BLTP3B: variants seen among roughly 807,000 people sequenced by gnomAD.
The protein encoded by BLTP3B is bridge-like lipid transfer protein family member 3B, also known as UHRF1 (ICBP90) binding protein 1-like.
the BLTP3B span, among the ~76,000 whole-genome samples, chr12:100,115,907 T>C: frequency 1.3e-5 from 2 of 152,164 alleles, no homozygotes; most frequent in South Asian, 4.1e-4. Flanking sequence ...CCAGGCGAGG[T>C]GGCTCACGCC....
At chr12:100,049,055 A>G in the BLTP3B span, among the ~76,000 whole-genome samples, 1 of 152,140 alleles carries the variant, frequency 6.6e-6, no homozygotes, top group Non-Finnish European at 1.5e-5. Context: ...GGCAATATGC[A>G]CATGGTATAA....
At chr12:100,094,561 T>A in the BLTP3B span, among the ~76,000 whole-genome samples, 1 of 152,152 alleles carries the variant, frequency 6.6e-6, no homozygotes, top group African/African-American at 2.4e-5. Context: ...AATGTGATAT[T>A]CATTGAAAGC....
At chr12:100,105,899 T>G in the BLTP3B span, among the ~76,000 whole-genome samples, 1 of 151,864 alleles carries the variant, frequency 6.6e-6, no homozygotes, top group Non-Finnish European at 1.5e-5. Flanking sequence ...AGCAAGGACA[T>G]GAACAGACAT....
At chr12:100,107,497 T>C in the BLTP3B span, among the ~76,000 whole-genome samples, 1 of 151,006 alleles carries the variant, frequency 6.6e-6, no homozygotes, top group Non-Finnish European at 1.5e-5. Context: ...TAGCCAGACG[T>C]GGTGGCACGT....
chr12:100,061,605 C>T, the BLTP3B span, among the ~76,000 whole-genome samples: 7 of 144,764 alleles, frequency 4.8e-5, no homozygotes, highest in African/African-American at 1.6e-4. Context: ...TGCAGTGAGC[C>T]GAGATCGCGC....
chr12:100,037,395 C>G, the BLTP3B span: 2 of 1,214,720 alleles, frequency 1.6e-6, no homozygotes, highest in South Asian at 4.4e-5. Context: ...GTGTTGACTT[C>G]CCTAGATCAC....
At chr12:100,089,050 T>C in the BLTP3B span, 17 of 1,608,914 alleles carry the variant, frequency 1.1e-5, no homozygotes, top group East Asian at 2.5e-4. Context: ...GCATTTGAAG[T>C]TTGCGTTGTC....
the BLTP3B span, among the ~76,000 whole-genome samples, chr12:100,065,501 G>T: frequency 1.3e-5 from 2 of 152,128 alleles, no homozygotes; most frequent in African/African-American, 4.8e-5. Flanking sequence ...CCTGGGAAAG[G>T]AATTGCATTC....
the BLTP3B span, among the ~76,000 whole-genome samples, chr12:100,081,777 C>T: frequency 9.8e-5 from 15 of 152,288 alleles, no homozygotes; most frequent in South Asian, 1.0e-3. Flanking sequence ...TAGTACTCTG[C>T]GGTGTATATG....
chr12:100,048,604 C>T, the BLTP3B span, among the ~76,000 whole-genome samples: 90 of 152,092 alleles, frequency 5.9e-4, no homozygotes, highest in African/African-American at 2.1e-3. Flanking sequence ...TTTGCACCTT[C>T]CTCATTAAAT....
At chr12:100,142,458 C>T in the BLTP3B span, 1 of 992,154 alleles carries the variant, frequency 1.0e-6, no homozygotes, top group Non-Finnish European at 1.4e-6. Flanking sequence ...GACCTCTGCC[C>T]CGGCCAGAGC....
chr12:100,103,962 A>C, the BLTP3B span: 1 of 1,597,574 alleles, frequency 6.3e-7, no homozygotes, highest in Non-Finnish European at 8.5e-7. Context: ...CTACAAATGA[A>C]AAATTTTTAA....
chr12:100,135,318 G>GAGT, the BLTP3B span, among the ~76,000 whole-genome samples: 1 of 141,210 alleles, frequency 7.1e-6, no homozygotes, highest in African/African-American at 2.9e-5. Flanking sequence ...CTGCAGGCTG[G>GAGT]AGTGTAGTGG....
chr12:100,091,798 C>T, the BLTP3B span, among the ~76,000 whole-genome samples: 1 of 150,908 alleles, frequency 6.6e-6, no homozygotes, highest in Non-Finnish European at 1.5e-5. Context: ...AGCCACCTCG[C>T]CTGGCCAAAT....
the BLTP3B span, chr12:100,050,044 ATAAG>A: frequency 1.0e-6 from 1 of 999,182 alleles, no homozygotes; most frequent in Non-Finnish European, 1.4e-6. Flanking sequence ...ACTACTAATA[ATAAG>A]TAAATGTAAT....
At chr12:100,052,226 A>G in the BLTP3B span, among the ~76,000 whole-genome samples, 1 of 151,994 alleles carries the variant, frequency 6.6e-6, no homozygotes, top group Non-Finnish European at 1.5e-5. Context: ...TATTTTTAGT[A>G]AAGACGGGGT....
chr12:100,070,184 T>C, the BLTP3B span: 1 of 1,559,414 alleles, frequency 6.4e-7, no homozygotes, highest in Non-Finnish European at 8.7e-7. Flanking sequence ...GAGAAACAAA[T>C]GAGAAACACA....
At chr12:100,069,935 A>G in the BLTP3B span, 198,703 of 1,138,916 alleles carry the variant, frequency 0.17, 18,774 homozygotes, top group Middle Eastern at 0.2. Flanking sequence ...TATTTTATTT[A>G]AGAAAAACAA....
the BLTP3B span, among the ~76,000 whole-genome samples, chr12:100,083,801 CTAT>C: frequency 1.7e-4 from 26 of 151,764 alleles, no homozygotes; most frequent in East Asian, 4.3e-3. Context: ...CTGGGTGTGA[CTAT>C]TATTGGTTGT....
Sources: allele counts gnomAD v4.1 joint callset (sites outside exome capture counted in the v4.1 genomes callset), GRCh38; gene constraint gnomAD v4.1.1; transcripts MANE v1.5; gene names NCBI Gene and HGNC (gene_info 2026-07-23, HGNC 2026-07-21).